Variants in GLIS3 observed in about 807,000 individuals in gnomAD.
GLIS3 encodes zinc finger protein GLIS3.
A neutral mutation model predicts 78.6 loss-of-function variants in GLIS3; 53 were observed. The observed-to-expected ratio is 0.67, with a 90% CI of 0.54 to 0.85. GLIS3 has a LOEUF of 0.85. GLIS3 is among the 40% of genes least tolerant of loss of function. The pLI, the probability that GLIS3 is intolerant of heterozygous loss-of-function variation, is 0.00. For synonymous variants in GLIS3, 684 were observed against 509.9 expected (o/e 1.34, Z -4.60); for missense variants, 1,703 against 1,231.1 (o/e 1.38, Z -5.74).
the GLIS3 span, among the ~76,000 whole-genome samples, chr9:4,409,409 T>C: frequency 6.6e-6 from 1 of 152,304 alleles, no homozygotes; most frequent in African/African-American, 2.4e-5. Context: ...ATAATATACT[T>C]AGATATATTA....
intron 1 of GLIS3, among the ~76,000 whole-genome samples, chr9:4,296,292 GAAA>G (rs201201304): frequency 1.7e-5 from 2 of 116,254 alleles, no homozygotes; most frequent in Non-Finnish European, 1.8e-5. Context: ...ACAGTCAGAG[GAAA>G]AAAAAAAAAA....
chr9:4,266,021 C>G (rs1825972743), intron 2 of GLIS3, among the ~76,000 whole-genome samples: 2 of 152,074 alleles, frequency 1.3e-5, no homozygotes, highest in Admixed American at 6.6e-5. Flanking sequence ...CAGGTTCACA[C>G]CATTCTCCTG....
chr9:4,191,363 A>C (rs1403860259), intron 2 of GLIS3, among the ~76,000 whole-genome samples: 1 of 152,218 alleles, frequency 6.6e-6, no homozygotes, highest in Non-Finnish European at 1.5e-5. Flanking sequence ...ATAAGATTCC[A>C]GTTTCATAAA....
chr9:4,404,481 C>G, the GLIS3 span, among the ~76,000 whole-genome samples: 1 of 152,276 alleles, frequency 6.6e-6, no homozygotes, highest in East Asian at 1.9e-4. Flanking sequence ...CAGAACAAGT[C>G]TTAAAGCATT....
intron 4 of GLIS3, among the ~76,000 whole-genome samples, chr9:3,939,076 G>C (rs1157761324): frequency 6.6e-6 from 1 of 152,166 alleles, no homozygotes; most frequent in Non-Finnish European, 1.5e-5. Flanking sequence ...CTGTAGCCTG[G>C]TTCTTAGCAA....
chr9:3,917,261 T>C (rs1271296845), intron 6 of GLIS3, among the ~76,000 whole-genome samples: 2 of 152,194 alleles, frequency 1.3e-5, no homozygotes, highest in African/African-American at 2.4e-5. Context: ...CAGCATGTCA[T>C]AGGAGTGTGG....
chr9:4,036,903 G>C lies in GLIS3; in HGVS notation c.1710+80865C>G, dbSNP rs572476205. Among the ~76,000 whole-genome samples the C allele has an allele frequency of 2.0e-5, 3 of 152,262 alleles. No homozygotes were observed. The East Asian group carries it at 5.8e-4, about 29-fold the overall frequency. ...TCCAGGAGAAATAAAGACCAGTAGA[G>C]GGGCTAAAAATAAAAGGGGCAGACC... On this transcript the variant is annotated intron_variant, in intron 4 of 10. Coordinates refer to ENST00000381971, the MANE Select transcript of GLIS3 (RefSeq NM_001042413.2).
intron 1 of GLIS3, among the ~76,000 whole-genome samples, chr9:4,347,538 G>C (rs945412740): frequency 6.6e-6 from 1 of 152,176 alleles, no homozygotes; most frequent in Non-Finnish European, 1.5e-5. Context: ...CCTGGAAGTG[G>C]AGCTCAGGAA....
the GLIS3 span, among the ~76,000 whole-genome samples, chr9:4,389,041 G>C: frequency 3.3e-5 from 5 of 152,310 alleles, no homozygotes; most frequent in South Asian, 1.0e-3. Flanking sequence ...CACTTAAGCC[G>C]ACTGAGGTGC....
chr9:3,869,152 T>G (rs1054211841), intron 8 of GLIS3, among the ~76,000 whole-genome samples: 3 of 152,156 alleles, frequency 2.0e-5, no homozygotes, highest in African/African-American at 4.8e-5. Flanking sequence ...AAAACAACAG[T>G]AAACAAATAA....
Position 4,118,061 on chromosome 9 carries a change from G to A in GLIS3, c.1417C>T (p.Leu473Phe), listed in dbSNP as rs369088290. Reference sequence around the variant, plus strand: ...GCCAGCTGCTGGGCGTGGGGCCCGAGCTCCGGGTGGTGAAGGTGCGCATGG... The same window carrying A: ...GCCAGCTGCTGGGCGTGGGGCCCGAACTCCGGGTGGTGAAGGTGCGCATGG... ...HAHAHLHHPE[L>F]GPHAQQLALP... Residue 473 changes from leucine (L) to phenylalanine (F), a missense_variant, in exon 4 of 11, where the codon CTC becomes TTC. Transcript: ENST00000381971. This position sits in a 1 kb window ranked among gnomAD's most constrained non-coding sequence, Gnocchi z 4.7. 145 of 1,580,888 alleles carry A rather than the reference G, an allele frequency of 9.2e-5. 1 individual carries two copies. The highest frequency in any genetic ancestry group is 6.8e-4 in the Middle Eastern group (4 of 5,918).
At chr9:4,134,646 G>A (rs1174884223) in intron 2 of GLIS3, among the ~76,000 whole-genome samples, 9 of 152,198 alleles carry the variant, frequency 5.9e-5, no homozygotes, top group South Asian at 4.2e-4. Context: ...ATTATGTTAC[G>A]GAATGATATT....
chr9:3,866,460 G>GAAACAAAAAGT (rs896000905), intron 8 of GLIS3, among the ~76,000 whole-genome samples: 1 of 147,728 alleles, frequency 6.8e-6, no homozygotes, highest in African/African-American at 2.4e-5. Context: ...GACTGTCTCA[G>GAAACAAAAAGT]AAACAAAAAG....
chr9:4,357,169 G>T, the GLIS3 span, among the ~76,000 whole-genome samples: 1 of 152,110 alleles, frequency 6.6e-6, no homozygotes, highest in Non-Finnish European at 1.5e-5. Context: ...CTTTAATTTT[G>T]TATCAACTTG....
rs544130952 is a variant in GLIS3, at chr9:4,110,863, A to C, written c.1710+6905T>G. On this transcript the variant is annotated intron_variant, in intron 4 of 10. Transcript: ENST00000381971. ...AGAACTTGAAGAAAACATTTCTGAA[A>C]GATCAAAGAGAATCAGACGACCGCT... 3.3e-5 allele frequency among the ~76,000 whole-genome samples: 5 copies of C among 152,258 alleles called. No homozygotes were observed. The East Asian group carries it at 9.6e-4, about 29-fold the overall frequency.
chr9:4,284,695 G>C lies in GLIS3; in HGVS notation c.388+1343C>G, dbSNP rs376542019. Among the ~76,000 whole-genome samples the C allele has an allele frequency of 1.9e-4, 29 of 151,408 alleles. 1 individual carries two copies. The South Asian group carries it at 5.9e-3, about 31-fold the overall frequency. ...GGAGGCCAAGGCAGGCAGATCACTT[G>C]AGCTCAGGAGTTGGAGACCAGCCTG... On this transcript the variant is annotated intron_variant, in intron 2 of 10. Transcript: ENST00000381971.
At chr9:4,350,817 TTTTG>T (rs929563016), upstream of GLIS3, among the ~76,000 whole-genome samples, 8 of 152,286 alleles carry the variant, frequency 5.3e-5, no homozygotes, top group South Asian at 2.1e-4. Flanking sequence ...TTGTTTTTGT[TTTTG>T]TTTGTTTTTG....
upstream of GLIS3, among the ~76,000 whole-genome samples, chr9:4,351,201 C>T (rs370117212): frequency 6.6e-6 from 1 of 152,044 alleles, no homozygotes; most frequent in Non-Finnish European, 1.5e-5. Context: ...CAAGATCAGG[C>T]CACTGCACTC....
At chr9:4,338,871 C>G (rs1817794225) in intron 2 of GLIS3, among the ~76,000 whole-genome samples, 1 of 152,094 alleles carries the variant, frequency 6.6e-6, no homozygotes, top group South Asian at 2.1e-4. Context: ...GTGCCTGAGT[C>G]TTGGGATTTT....
Sources: gnomAD v4.1 joint callset for allele counts (sites outside exome capture counted in the v4.1 genomes callset) on GRCh38, gnomAD v4.1.1 for gene constraint, Gnocchi (gnomAD v3.1) non-coding constraint, MANE v1.5 for transcripts, NCBI Gene and HGNC (gene_info 2026-07-23, HGNC 2026-07-21) for gene names.